Variants in KIDINS220 observed in about 807,000 individuals in gnomAD.
KIDINS220 encodes the protein kinase D-interacting substrate of 220 kDa.
KIDINS220 carries 63 observed loss-of-function variants against 157.6 expected under a neutral mutation model. The observed-to-expected ratio is 0.40, with a 90% CI of 0.33 to 0.49. The LOEUF is 0.49. KIDINS220 is among the 20% of genes least tolerant of loss of function. The pLI, the probability that KIDINS220 is intolerant of heterozygous loss-of-function variation, is 0.66. For synonymous variants in KIDINS220, 732 were observed against 783.6 expected, an observed-to-expected ratio of 0.93 and a Z score of 1.10; for missense variants, 1,772 against 2,171.2, an observed-to-expected ratio of 0.82 and a Z score of 3.65.
At position 8,836,999 on chromosome 2, in the gene KIDINS220, C is replaced by G. The variant is rs147344413; in HGVS notation, c.-37+481G>C. 9.3e-3 allele frequency among the ~76,000 whole-genome samples: 1,415 copies of G among 152,176 alleles called. 13 individuals are homozygous for G. Among genetic ancestry groups the G allele is most frequent in the Non-Finnish European group, 0.016 (1,100 of 67,998 alleles). Reference sequence around the variant, plus strand: ...CACTATTTTGCCAGGCGTTTAAAAGCCTGCACAGGACAATGGAGCAATGGA... The same window carrying G: ...CACTATTTTGCCAGGCGTTTAAAAGGCTGCACAGGACAATGGAGCAATGGA... On this transcript the variant is annotated intron_variant, in intron 1 of 29. Transcript: ENST00000256707.
intron 17 of KIDINS220, among the ~76,000 whole-genome samples, chr2:8,782,567 G>A (rs6431963): frequency 6.6e-6 from 1 of 152,004 alleles, no homozygotes; most frequent in South Asian, 2.1e-4. Flanking sequence ...AGGCCCAGAG[G>A]GTTCACTAAT....
chr2:8,761,148 A>G (rs1298279606), intron 22 of KIDINS220, among the ~76,000 whole-genome samples: 3 of 152,216 alleles, frequency 2.0e-5, no homozygotes, highest in South Asian at 2.1e-4. Context: ...TAGCAATATC[A>G]TAAGTTGCTA....
At chr2:8,793,771 T>C in intron 12 of KIDINS220, 39 bp downstream of exon 12, 1 of 1,522,108 alleles carries the variant, frequency 6.6e-7, no homozygotes, top group East Asian at 2.3e-5. Context: ...GAACATTGAT[T>C]ATTTAAAAGC....
chr2:8,825,394 C>T (rs1678624154), intron 2 of KIDINS220, among the ~76,000 whole-genome samples: 1 of 22,726 alleles, frequency 4.4e-5, no homozygotes, highest in Non-Finnish European at 1.2e-4. Context: ...AGAAAAAGTT[C>T]TGGAATCTAT....
chr2:8,791,372 C>T (rs1051134576), intron 12 of KIDINS220, 148 bp from the exon 13 acceptor site: 1 of 550,084 alleles, frequency 1.8e-6, no homozygotes. Flanking sequence ...AGTCTCTGAG[C>T]CTATTCTGAC....
intron 2 of KIDINS220, chr2:8,826,785 C>G (rs1678871839): frequency 3.0e-6 from 1 of 332,850 alleles, no homozygotes; most frequent in Admixed American, 4.6e-5. Context: ...AATCTAAATT[C>G]AACAGTCATT....
chr2:8,793,888 G>C lies in KIDINS220; in HGVS notation c.1198C>G (p.Pro400Ala). Residue 400 changes from proline (P) to alanine (A), a missense_variant, in exon 12 of 30, where the codon CCC (proline) becomes GCC (alanine). By Grantham distance (27) the Pro-to-Ala change is conservative. Transcript: ENST00000256707. ...TAAGGAGTCTCGCCTGCTTTGTTGGGCCTATAAAGTAATCGCCCATCTTTG... is the reference window on the plus strand; with the variant it reads ...TAAGGAGTCTCGCCTGCTTTGTTGGCCCTATAAAGTAATCGCCCATCTTTG... ...NPKDGRLLYR[P>A]NKAGETPYNI... 3.1e-6 allele frequency: 5 copies of C among 1,613,908 alleles called. No homozygotes were observed. The highest frequency in any genetic ancestry group is 4.2e-6 in the Non-Finnish European group (5 of 1,179,936).
At chr2:8,752,930 T>G (rs1211451732) in intron 22 of KIDINS220, among the ~76,000 whole-genome samples, 1 of 152,158 alleles carries the variant, frequency 6.6e-6, no homozygotes, top group Non-Finnish European at 1.5e-5. Flanking sequence ...TGTAAACAAT[T>G]CTGTATCATG....
intron 11 of KIDINS220, among the ~76,000 whole-genome samples, chr2:8,795,333 G>A (rs1427467513): frequency 6.6e-6 from 1 of 152,078 alleles, no homozygotes; most frequent in African/African-American, 2.4e-5. Context: ...CTCATCCCCA[G>A]ACCTGTGAGA....
intron 5 of KIDINS220, among the ~76,000 whole-genome samples, chr2:8,812,730 C>T (rs534527203): frequency 2.0e-5 from 3 of 151,920 alleles, no homozygotes; most frequent in African/African-American, 7.3e-5. Flanking sequence ...ACATAATTGG[C>T]AACTAAGATA....
intron 7 of KIDINS220, among the ~76,000 whole-genome samples, chr2:8,803,450 G>T (rs1675007447): frequency 6.6e-6 from 1 of 151,950 alleles, no homozygotes; most frequent in African/African-American, 2.4e-5. Flanking sequence ...ATAGTTGGCA[G>T]GGTGACTATT....
At position 8,770,708 on chromosome 2, in the gene KIDINS220, A is replaced by C. The variant is rs763394091; in HGVS notation, c.2973T>G (p.Gly991=). 6.2e-7 allele frequency: 1 copy of C among 1,608,392 alleles called. No individual in the cohort carries two copies. The highest frequency in any genetic ancestry group is 1.1e-5 in the South Asian group (1 of 90,082). The part of the protein sequence containing the change: ...WLILYLEETE[G]IPDQMTLKTI... ...TTTTTAATGTCATTTGATCTGGAATACCTTCAGTCTCTTCCAAATATAATA... is the reference window on the plus strand; with the variant it reads ...TTTTTAATGTCATTTGATCTGGAATCCCTTCAGTCTCTTCCAAATATAATA... Residue 991 remains glycine (G), a synonymous_variant, in exon 22 of 30, where the codon GGT becomes GGG. Transcript: ENST00000256707.
chr2:8,779,538 A>G (rs1331481370), intron 18 of KIDINS220, 136 bp downstream of exon 18: 10 of 880,500 alleles, frequency 1.1e-5, no homozygotes, highest in African/African-American at 3.4e-5. Flanking sequence ...GGTTGTTTTT[A>G]CAAAAGAAAA....
At chr2:8,766,426 T>A (rs1224630492) in intron 22 of KIDINS220, among the ~76,000 whole-genome samples, 1 of 152,212 alleles carries the variant, frequency 6.6e-6, no homozygotes, top group Non-Finnish European at 1.5e-5. Context: ...CTACTCTTCA[T>A]CTCCTTAACT....
chr2:8,736,799 C>A, intron 27 of KIDINS220, 69 bp downstream of exon 27: 2 of 1,525,466 alleles, frequency 1.3e-6, no homozygotes, highest in Non-Finnish European at 8.9e-7. Flanking sequence ...ATAAAGTTTA[C>A]ACGACCCACA....
chr2:8,729,196 A>G lies in KIDINS220; in HGVS notation c.*1524T>C. The G allele has an allele frequency of 7.1e-6, 7 of 984,938 alleles. No individual in the cohort carries two copies. The highest frequency in any genetic ancestry group is 7.2e-6 in the Non-Finnish European group (6 of 829,142). The allele number at this position is 984,938 out of a possible 1,614,324, so 61.0% of individuals were successfully genotyped here. A position where few individuals can be genotyped will look rare whatever the true frequency, so the allele number is the denominator to read the frequency against. On this transcript the variant is annotated 3_prime_UTR_variant, in exon 30 of 30. Transcript: ENST00000256707. Reference sequence around the variant, plus strand: ...TTAAAACATTTGTTAAAGATCATGCAAAATAAACACTGTATTAAAATGCTA... The same window carrying G: ...TTAAAACATTTGTTAAAGATCATGCGAAATAAACACTGTATTAAAATGCTA...
chr2:8,779,432 G>A (rs917772275), intron 18 of KIDINS220, among the ~76,000 whole-genome samples: 1 of 152,124 alleles, frequency 6.6e-6, no homozygotes, highest in Non-Finnish European at 1.5e-5. Flanking sequence ...GAATACAGAT[G>A]CTCTATTCAT....
chr2:8,834,285 G>C (rs561204304), intron 1 of KIDINS220, among the ~76,000 whole-genome samples: 1 of 151,972 alleles, frequency 6.6e-6, no homozygotes, highest in African/African-American at 2.4e-5. Context: ...ATCCCTACCA[G>C]GGCCAAGGCC....
intron 27 of KIDINS220, 136 bp from the exon 28 acceptor site, chr2:8,734,889 T>C: frequency 1.7e-6 from 1 of 577,484 alleles, no homozygotes; most frequent in Non-Finnish European, 3.0e-6. Context: ...AAAAAAAAGG[T>C]TATCATCCCA....
Sources: allele counts gnomAD v4.1 joint callset (sites outside exome capture counted in the v4.1 genomes callset), GRCh38; gene constraint gnomAD v4.1.1; transcripts MANE v1.5; gene names NCBI Gene and HGNC (gene_info 2026-07-23, HGNC 2026-07-21).